Variants in MIPEP observed in about 807,000 individuals in gnomAD.
The protein encoded by MIPEP is mitochondrial intermediate peptidase.
MIPEP carries 79 observed loss-of-function variants against 90.3 expected under a neutral mutation model. That is an observed-to-expected ratio of 0.87 (90% CI 0.73 to 1.05). The LOEUF is 1.05. MIPEP is among the 50% of genes least tolerant of loss of function. MIPEP has a pLI of 0.00. For synonymous variants in MIPEP, 334 were observed against 315.8 expected (o/e 1.06, Z -0.61); for missense variants, 940 against 905.6 (o/e 1.04, Z -0.49).
intron 16 of MIPEP, among the ~76,000 whole-genome samples, chr13:23,783,087 T>G (rs1001872662): frequency 6.6e-6 from 1 of 152,060 alleles, no homozygotes; most frequent in Non-Finnish European, 1.5e-5. Context: ...AAAGAGGGAA[T>G]CCTCCCTAAC....
chr13:23,872,495 C>T (rs934982817), intron 5 of MIPEP, among the ~76,000 whole-genome samples: 2 of 152,022 alleles, frequency 1.3e-5, no homozygotes, highest in African/African-American at 2.4e-5. Flanking sequence ...AAATAAGAAA[C>T]CAACTGGAAA....
chr13:23,775,602 A>G (rs1272003448), intron 16 of MIPEP, among the ~76,000 whole-genome samples: 1 of 152,080 alleles, frequency 6.6e-6, no homozygotes, highest in Non-Finnish European at 1.5e-5. Context: ...CTATGTGCAT[A>G]TATGTTTTAC....
At chr13:23,846,448 C>T (rs926589181) in intron 10 of MIPEP, among the ~76,000 whole-genome samples, 1 of 152,068 alleles carries the variant, frequency 6.6e-6, no homozygotes, top group East Asian at 1.9e-4. Flanking sequence ...GTTTGTGTAT[C>T]CCTTATCCAA....
At chr13:23,878,506 G>A (rs369182154) in intron 4 of MIPEP, among the ~76,000 whole-genome samples, 19 of 152,296 alleles carry the variant, frequency 1.2e-4, no homozygotes, top group African/African-American at 4.6e-4. Context: ...AAAGAATCAA[G>A]TTGTCAGAGG....
intron 18 of MIPEP, among the ~76,000 whole-genome samples, chr13:23,753,056 C>G (rs535858461): frequency 4.0e-4 from 61 of 151,884 alleles, no homozygotes; most frequent in Non-Finnish European, 2.9e-5. Context: ...GGCAAAATCC[C>G]GTCTCTACTA....
Position 23,756,125 on chromosome 13 carries a change from C to A in MIPEP, c.2044+420G>T, listed in dbSNP as rs545061159. Among the ~76,000 whole-genome samples the A allele has an allele frequency of 3.3e-5, 5 of 152,260 alleles. No homozygotes were observed. The South Asian group carries it at 8.3e-4, about 25-fold the overall frequency. On this transcript the variant is annotated intron_variant, in intron 18 of 18. Coordinates refer to ENST00000382172, the MANE Select transcript of MIPEP (RefSeq NM_005932.4). ...TGAGACAGATGCTTAGAACACAATG[C>A]ACAGCTAAGACATTTCTTTTTTATT...
At chr13:23,849,842 CTT>C (rs1391583378) in intron 10 of MIPEP, among the ~76,000 whole-genome samples, 2 of 152,346 alleles carry the variant, frequency 1.3e-5, no homozygotes, top group East Asian at 1.9e-4. Context: ...ATGAGTCAGA[CTT>C]ATATTTCAAC....
chr13:23,784,079 G>A (rs1462740668), intron 16 of MIPEP, among the ~76,000 whole-genome samples: 1 of 151,888 alleles, frequency 6.6e-6, no homozygotes. Flanking sequence ...CCTATTTATA[G>A]GTAATGCCAT....
chr13:23,843,564 T>C (rs1869402395), intron 10 of MIPEP, among the ~76,000 whole-genome samples: 1 of 152,242 alleles, frequency 6.6e-6, no homozygotes, highest in South Asian at 2.1e-4. Context: ...ATAGAATTTC[T>C]AATATTTTAT....
intron 16 of MIPEP, among the ~76,000 whole-genome samples, chr13:23,775,079 A>C (rs1593146558): frequency 1.3e-5 from 2 of 150,832 alleles, no homozygotes; most frequent in Non-Finnish European, 2.9e-5. Context: ...GATTACAAGC[A>C]TGAGTCACTG....
At chr13:23,882,067 CTTTCTTT>C (rs1413265371) in intron 2 of MIPEP, among the ~76,000 whole-genome samples, 1 of 145,886 alleles carries the variant, frequency 6.9e-6, no homozygotes, top group African/African-American at 2.6e-5. Context: ...CAAATTCTTT[CTTTCTTT>C]TTTTTTTTTT....
At chr13:23,742,728 T>C (rs903997467) in intron 18 of MIPEP, among the ~76,000 whole-genome samples, 1 of 152,222 alleles carries the variant, frequency 6.6e-6, no homozygotes, top group Non-Finnish European at 1.5e-5. Context: ...TTTTTTCTAC[T>C]TTTTGCCATC....
chr13:23,769,911 G>A (rs948460816), intron 16 of MIPEP, among the ~76,000 whole-genome samples: 6 of 152,092 alleles, frequency 3.9e-5, no homozygotes, highest in Non-Finnish European at 8.8e-5. Context: ...AGAAGAGGAA[G>A]AGAGACCTGA....
intron 17 of MIPEP, among the ~76,000 whole-genome samples, chr13:23,758,620 A>G (rs1952509634): frequency 6.6e-6 from 1 of 152,248 alleles, no homozygotes; most frequent in South Asian, 2.1e-4. Flanking sequence ...TCTTTTAAAA[A>G]TAAAATCTGA....
chr13:23,759,646 G>A (rs1829324702), intron 17 of MIPEP, among the ~76,000 whole-genome samples: 1 of 152,160 alleles, frequency 6.6e-6, no homozygotes. Context: ...TGGGAAAGCA[G>A]GACTACTGAT....
chr13:23,736,906 G>A (rs1001487357), intron 18 of MIPEP, among the ~76,000 whole-genome samples: 1 of 152,162 alleles, frequency 6.6e-6, no homozygotes, highest in African/African-American at 2.4e-5. Context: ...ACAACTCATA[G>A]GTTTGCTTTA....
intron 16 of MIPEP, among the ~76,000 whole-genome samples, chr13:23,796,027 G>C (rs1364723638): frequency 2.0e-5 from 3 of 152,078 alleles, no homozygotes; most frequent in African/African-American, 7.2e-5. Flanking sequence ...ATATGCTTGA[G>C]TGTTTAAATG....
chr13:23,831,386 G>GGGGGGCC (rs1555237545), intron 14 of MIPEP, among the ~76,000 whole-genome samples: 1 of 69,416 alleles, frequency 1.4e-5, no homozygotes, highest in South Asian at 9.0e-4. Context: ...CCCATGGCGG[G>GGGGGGCC]GGGGGGATGT....
rs561235076 is a variant in MIPEP, at chr13:23,750,686, G to A, written c.2044+5859C>T. Among the ~76,000 whole-genome samples, 5 of 152,314 alleles carry A rather than the reference G, an allele frequency of 3.3e-5. No individual in the cohort carries two copies. In the East Asian group the frequency reaches 9.6e-4, roughly 29 times the overall value. ...GCCCACATAATGAGTGGGGAGTTAT[G>A]TTCCACTTCCCTAAGGTGGGGAGTA... On this transcript the variant is annotated intron_variant, in intron 18 of 18. Transcript: ENST00000382172.
Sources: gnomAD v4.1 joint callset for allele counts (sites outside exome capture counted in the v4.1 genomes callset) on GRCh38, gnomAD v4.1.1 for gene constraint, MANE v1.5 for transcripts, NCBI Gene and HGNC (gene_info 2026-07-23, HGNC 2026-07-21) for gene names.